Variants in RPRD1B observed in about 807,000 individuals in gnomAD.
RPRD1B encodes regulation of nuclear pre-mRNA domain-containing protein 1B.
Under a neutral mutation model 41.5 loss-of-function variants are expected in RPRD1B, and 11 were observed. The observed-to-expected ratio is 0.27, with a 90% confidence interval of 0.17 to 0.44. The LOEUF (loss-of-function observed/expected upper bound fraction) is 0.44, where lower values mean the gene tolerates loss of function less well. RPRD1B is among the 20% of genes least tolerant of loss of function. The pLI is 1.00. For synonymous variants in RPRD1B, 158 were observed against 155.6 expected, an observed-to-expected ratio of 1.02 and a Z score of -0.12; for missense variants, 248 against 389.9, an observed-to-expected ratio of 0.64 and a Z score of 3.06.
At position 38,037,512 on chromosome 20, in the gene RPRD1B, G is replaced by A. The variant is rs140956006; in HGVS notation, c.152-2923G>A. On this transcript the variant is annotated intron_variant, in intron 1 of 6. Coordinates refer to ENST00000373433, the MANE Select transcript of RPRD1B (RefSeq NM_021215.4). ...GTGAGTGAAAGGACCTATTTCTGTC[G>A]TATAGGAAGGACATCTGAACAAGTG... Among the ~76,000 whole-genome samples the A allele has an allele frequency of 7.6e-4, 116 of 152,312 alleles. 1 individual carries two copies. The highest frequency in any genetic ancestry group is 3.9e-4 in the East Asian group (2 of 5,190).
chr20:38,069,281 G>A (rs748830933), intron 6 of RPRD1B, among the ~76,000 whole-genome samples: 10 of 152,118 alleles, frequency 6.6e-5, no homozygotes, highest in African/African-American at 1.4e-4. Context: ...TTCTTCCCTC[G>A]AGGAAATCAT....
intron 2 of RPRD1B, among the ~76,000 whole-genome samples, chr20:38,045,182 T>C (rs2074108927): frequency 6.6e-6 from 1 of 152,256 alleles, no homozygotes; most frequent in African/African-American, 2.4e-5. Context: ...TATTAAGTTG[T>C]GTATGTAATT....
At chr20:38,053,148 G>A (rs1356292329) in intron 3 of RPRD1B, among the ~76,000 whole-genome samples, 1 of 152,048 alleles carries the variant, frequency 6.6e-6, no homozygotes, top group Non-Finnish European at 1.5e-5. Flanking sequence ...ATATACCGTG[G>A]TAGAAGCTGA....
chr20:38,063,271 T>C (rs561447363), intron 5 of RPRD1B, among the ~76,000 whole-genome samples: 2 of 152,322 alleles, frequency 1.3e-5, no homozygotes, highest in South Asian at 2.1e-4. Flanking sequence ...TGCCCCACTT[T>C]TTCTCCTCTG....
At position 38,070,824 on chromosome 20, in the gene RPRD1B, C is replaced by T. The variant is rs564144036; in HGVS notation, c.831+4568C>T. On this transcript the variant is annotated intron_variant, in intron 6 of 6. Transcript: ENST00000373433. Reference sequence around the variant, plus strand: ...AGAGCAATCTGAGCTCACTGCCTCCCGGGTTCAAGCGATTCTCGTGCCTCA... The same window carrying T: ...AGAGCAATCTGAGCTCACTGCCTCCTGGGTTCAAGCGATTCTCGTGCCTCA... 253 of 702,902 alleles carry T rather than the reference C, an allele frequency of 3.6e-4. 2 individuals carry two copies. Among genetic ancestry groups the T allele is most frequent in the African/African-American group, 2.3e-3 (116 of 49,774 alleles). The allele number at this position is 702,902 out of a possible 1,614,324, so 43.5% of individuals were successfully genotyped here. A position where few individuals can be genotyped will look rare whatever the true frequency, so the allele number is the denominator to read the frequency against.
intron 6 of RPRD1B, among the ~76,000 whole-genome samples, chr20:38,072,432 G>A (rs921303161): frequency 6.6e-6 from 1 of 151,940 alleles, no homozygotes; most frequent in African/African-American, 2.4e-5. Context: ...TTTGTAGTAA[G>A]TTTTAAAATC....
chr20:38,047,344 C>T (rs564668172), intron 2 of RPRD1B, among the ~76,000 whole-genome samples: 1 of 152,238 alleles, frequency 6.6e-6, no homozygotes, highest in Non-Finnish European at 1.5e-5. Context: ...CCTAAGTTCT[C>T]CTTGAGTTTA....
intron 6 of RPRD1B, among the ~76,000 whole-genome samples, chr20:38,069,284 G>A (rs116494576): frequency 0.012 from 1,787 of 152,214 alleles, 27 homozygotes; most frequent in African/African-American, 0.041. Context: ...TTCCCTCGAG[G>A]AAATCATATT....
Position 38,092,323 on chromosome 20 carries a change from CAT to C in RPRD1B, c.*2450_*2451del. Reference sequence around the variant, plus strand: ...GGCAGCAGTATATTCTGAAATGTCTCATAGATATATATTTTTGAATAAAGATG... The same window carrying C: ...GGCAGCAGTATATTCTGAAATGTCTCAGATATATATTTTTGAATAAAGATG... On this transcript the variant is annotated 3_prime_UTR_variant, in exon 7 of 7. Transcript: ENST00000373433. 7.1e-6 allele frequency: 7 copies of C among 984,350 alleles called. No individual in the cohort carries two copies. Among genetic ancestry groups the C allele is most frequent in the Non-Finnish European group, 8.4e-6 (7 of 828,732 alleles). The allele number at this position is 984,350 out of a possible 1,614,324, so 61.0% of individuals were successfully genotyped here.
Position 38,085,563 on chromosome 20 carries a change from C to T in RPRD1B, c.832-4163C>T, listed in dbSNP as rs149881623. ...TTTTATGGGATATGGAAAAGAGGCC[C>T]GGATTTCTTCTGAGAGCAGGAGTAG... On this transcript the variant is annotated intron_variant, in intron 6 of 6. Transcript: ENST00000373433. The T allele has an allele frequency of 6.2e-3, 941 of 152,328 alleles. 7 individuals are homozygous for T. The highest frequency in any genetic ancestry group is 0.022 in the African/African-American group (896 of 41,524). The allele number at this position is 152,328 out of a possible 1,614,324, so 9.4% of individuals were successfully genotyped here. A position where few individuals can be genotyped will look rare whatever the true frequency, so the allele number is the denominator to read the frequency against.
chr20:38,058,931 C>G (rs888894904), intron 4 of RPRD1B, among the ~76,000 whole-genome samples: 2 of 152,072 alleles, frequency 1.3e-5, no homozygotes, highest in African/African-American at 2.4e-5. Flanking sequence ...CCAGGCTGGT[C>G]TCGAACTCCT....
At chr20:38,082,852 G>A (rs2074526877) in intron 6 of RPRD1B, among the ~76,000 whole-genome samples, 1 of 152,164 alleles carries the variant, frequency 6.6e-6, no homozygotes, top group African/African-American at 2.4e-5. Context: ...GTATTCCAGT[G>A]TAGTAAGTAA....
intron 6 of RPRD1B, chr20:38,070,808 T>C: frequency 1.2e-6 from 1 of 839,012 alleles, no homozygotes. Context: ...TAGAGCAATC[T>C]GAGCTCACTG....
chr20:38,076,906 C>CG (rs2074466082), intron 6 of RPRD1B, among the ~76,000 whole-genome samples: 2 of 63,510 alleles, frequency 3.1e-5, no homozygotes, highest in Non-Finnish European at 5.5e-5. Flanking sequence ...CATTCTGGAC[C>CG]TTTTTTTTTT....
chr20:38,059,868 A>G (rs958862224), intron 5 of RPRD1B, among the ~76,000 whole-genome samples: 2 of 152,090 alleles, frequency 1.3e-5, no homozygotes, highest in Non-Finnish European at 2.9e-5. Flanking sequence ...CCCTCTTACT[A>G]AAAGAAAAAA....
Position 38,090,724 on chromosome 20 carries a change from G to A in RPRD1B, c.*849G>A, listed in dbSNP as rs1330502854. 6.1e-6 allele frequency: 6 copies of A among 985,388 alleles called. No individual in the cohort carries two copies. In the African/African-American group the frequency reaches 1.0e-4, roughly 17 times the overall value. The allele number at this position is 985,388 out of a possible 1,614,324, so 61.0% of individuals were successfully genotyped here. ...CATTGGTGGGCTCCAAAAGATGAAG[G>A]CCCCACACACAGGTGTGCTGCATTT... On this transcript the variant is annotated 3_prime_UTR_variant, in exon 7 of 7. Transcript: ENST00000373433.
chr20:38,034,480 A>C (rs913712822), intron 1 of RPRD1B, among the ~76,000 whole-genome samples: 1 of 152,216 alleles, frequency 6.6e-6, no homozygotes, highest in Non-Finnish European at 1.5e-5. Context: ...CAGACTCTGC[A>C]GATCGAGTCC....
rs1039827374 is a variant in RPRD1B at position 38,049,922 on chromosome 20, G to A, written c.415+1441G>A. 2.9e-5 allele frequency: 13 copies of A among 455,392 alleles called. No individual in the cohort carries two copies. In the Middle Eastern group the frequency reaches 1.3e-3, roughly 46 times the overall value. 28.2% of individuals were successfully genotyped at this position (455,392 alleles called of 1,614,324 possible). ...TATTCTTTGGCCAAACTGAATTGCC[G>A]ACAGTTTACCCTCTGGATGCTCTGT... On this transcript the variant is annotated intron_variant, in intron 3 of 6. Coordinates refer to ENST00000373433, the MANE Select transcript of RPRD1B (RefSeq NM_021215.4).
At chr20:38,057,463 T>C (rs1332363769) in intron 3 of RPRD1B, 69 bp from the exon 4 acceptor site, 2 of 1,046,922 alleles carry the variant, frequency 1.9e-6, no homozygotes, top group African/African-American at 1.6e-5. Flanking sequence ...ATGTGGCCCA[T>C]TGTGCATAGC....
Sources: allele counts gnomAD v4.1 joint callset (sites outside exome capture counted in the v4.1 genomes callset), GRCh38; gene constraint gnomAD v4.1.1; transcripts MANE v1.5; gene names NCBI Gene and HGNC (gene_info 2026-07-23, HGNC 2026-07-21).